ARHGEF12: variants seen among roughly 807,000 people sequenced by gnomAD.
The protein encoded by ARHGEF12 is KMT2A/ARHGEF12 fusion protein.
ARHGEF12 carries 66 observed loss-of-function variants against 211.2 expected under a neutral mutation model. That is an observed-to-expected ratio of 0.31 (90% CI 0.26 to 0.38). The LOEUF is 0.38. ARHGEF12 is among the 10% of genes least tolerant of loss of function. The probability of loss-of-function intolerance (pLI) is 1.00; values close to 1 mark genes in which losing one functional copy is unlikely to be tolerated. For synonymous variants in ARHGEF12, 592 were observed against 638.4 expected, an observed-to-expected ratio of 0.93 and a Z score of 1.09; for missense variants, 1,429 against 1,869.5, an observed-to-expected ratio of 0.76 and a Z score of 4.34.
In ARHGEF12 at chr11:120,442,100, A is replaced by C. The variant is rs779114803; in HGVS notation, c.1204-4A>C. On this transcript the variant is annotated splice_polypyrimidine_tract_variant and splice_region_variant and intron_variant, in intron 14 of 40. Coordinates refer to ENST00000397843, the MANE Select transcript of ARHGEF12 (RefSeq NM_015313.3). ...TGTCTTTTTCATTCCTTTCTCCACT[A>C]CAGCTCTGTTATCTCTATTCAGACC... 1 of 1,580,728 alleles carries C rather than the reference A, an allele frequency of 6.3e-7. No homozygotes were observed. Among genetic ancestry groups the C allele is most frequent in the Non-Finnish European group, 8.6e-7 (1 of 1,163,996 alleles).
chr11:120,421,867 ATTATAGAAT>A lies in ARHGEF12; in HGVS notation c.348+19_348+27del. 6.3e-7 allele frequency: 1 copy of A among 1,599,168 alleles called. No homozygotes were observed. Among genetic ancestry groups the A allele is most frequent in the Non-Finnish European group, 8.5e-7 (1 of 1,170,394 alleles). ...GAATCATCAAGGTAAGGAATAGGCT[ATTATAGAAT>A]TTACGGTAGGATTAAAAAACAACAT... On this transcript the variant is annotated intron_variant, in intron 6 of 40. Coordinates refer to ENST00000397843, the MANE Select transcript of ARHGEF12 (RefSeq NM_015313.3).
chr11:120,481,219 G>T, intron 38 of ARHGEF12, 41 bp from the exon 39 acceptor site: 1 of 1,564,704 alleles, frequency 6.4e-7, no homozygotes, highest in Non-Finnish European at 8.8e-7. Context: ...TTTTCTAATG[G>T]CAGCACTGGT....
chr11:120,367,792 G>A (rs913283164), intron 1 of ARHGEF12, among the ~76,000 whole-genome samples: 1 of 152,162 alleles, frequency 6.6e-6, no homozygotes, highest in African/African-American at 2.4e-5. Flanking sequence ...GCAACGTAGT[G>A]AGACCCTGTC....
chr11:120,446,059 G>A (rs1263727930), intron 16 of ARHGEF12, among the ~76,000 whole-genome samples: 5 of 151,336 alleles, frequency 3.3e-5, no homozygotes, highest in South Asian at 2.1e-4. Flanking sequence ...GTAGCTGGGC[G>A]TGGTGGCGGG....
intron 11 of ARHGEF12, among the ~76,000 whole-genome samples, chr11:120,434,303 A>C (rs1565478674): frequency 1.3e-5 from 2 of 152,200 alleles, no homozygotes; most frequent in Non-Finnish European, 2.9e-5. Flanking sequence ...CACTCATAAT[A>C]ATCTTAAAAA....
chr11:120,359,298 C>T (rs1467612430), intron 1 of ARHGEF12, among the ~76,000 whole-genome samples: 5 of 152,110 alleles, frequency 3.3e-5, no homozygotes, highest in African/African-American at 4.8e-5. Flanking sequence ...GATCATGGCT[C>T]ACTGCAGCCT....
At chr11:120,416,365 A>G (rs1004217303) in intron 4 of ARHGEF12, among the ~76,000 whole-genome samples, 1 of 152,220 alleles carries the variant, frequency 6.6e-6, no homozygotes, top group African/African-American at 2.4e-5. Flanking sequence ...ATAAAATCCA[A>G]TGAAAGAATA....
chr11:120,441,811 G>A lies in ARHGEF12; in HGVS notation c.1197G>A (p.Ala399=), dbSNP rs751135997. Residue 399 remains alanine (A), a synonymous_variant, in exon 14 of 41, where the codon GCG becomes GCA. Transcript: ENST00000397843. The stretch of plus-strand genomic sequence containing the variant: ...ATGTAGTTTCACAATTTGACCCTGC[G>A]ACTTTGGTAATATATTTTACAATCT... The part of the protein sequence containing the change: ...LHHVVSQFDP[A]TLLCYLYSDL... The A allele has an allele frequency of 2.1e-5, 34 of 1,612,974 alleles. No homozygotes were observed. The highest frequency in any genetic ancestry group is 6.7e-5 in the Admixed American group (4 of 59,974).
chr11:120,429,879 T>G (rs766835553), intron 10 of ARHGEF12, 48 bp downstream of exon 10: 4 of 1,573,464 alleles, frequency 2.5e-6, no homozygotes, highest in Non-Finnish European at 3.4e-6. Flanking sequence ...AGGAGAATTT[T>G]CTTCTGGGAA....
chr11:120,342,018 G>A (rs1463392808), intron 1 of ARHGEF12, among the ~76,000 whole-genome samples: 2 of 152,066 alleles, frequency 1.3e-5, no homozygotes, highest in Non-Finnish European at 2.9e-5. Flanking sequence ...TACACTTTAA[G>A]CTAATTCATA....
chr11:120,442,063 G>C, intron 14 of ARHGEF12, 41 bp from the exon 15 acceptor site: 1 of 1,416,680 alleles, frequency 7.1e-7, no homozygotes, highest in South Asian at 1.2e-5. Flanking sequence ...CATTTTTCAT[G>C]GTTCCTCATT....
chr11:120,340,827 AG>A (rs1942512957), intron 1 of ARHGEF12, among the ~76,000 whole-genome samples: 1 of 152,232 alleles, frequency 6.6e-6, no homozygotes, highest in Non-Finnish European at 1.5e-5. Flanking sequence ...GGTATGCAAT[AG>A]TACATTCACT....
At chr11:120,355,862 T>G (rs897117339) in intron 1 of ARHGEF12, among the ~76,000 whole-genome samples, 1 of 152,234 alleles carries the variant, frequency 6.6e-6, no homozygotes, top group Non-Finnish European at 1.5e-5. Flanking sequence ...AATTTCTAAG[T>G]TGTGTTACAG....
chr11:120,404,234 A>G (rs1182899585), intron 1 of ARHGEF12, among the ~76,000 whole-genome samples: 1 of 152,052 alleles, frequency 6.6e-6, no homozygotes, highest in Admixed American at 6.5e-5. Context: ...CTGTCTCAAT[A>G]TTCAGCATGT....
chr11:120,433,319 A>G (rs1424342193), intron 11 of ARHGEF12, among the ~76,000 whole-genome samples: 1 of 152,226 alleles, frequency 6.6e-6, no homozygotes, highest in Non-Finnish European at 1.5e-5. Flanking sequence ...TATTAGGGTT[A>G]TAGATGGAAT....
chr11:120,466,588 A>G (rs530841872), intron 28 of ARHGEF12, among the ~76,000 whole-genome samples: 2 of 152,366 alleles, frequency 1.3e-5, no homozygotes, highest in Admixed American at 1.3e-4. Flanking sequence ...GATTACACAG[A>G]GTATTTACAC....
chr11:120,472,988 G>A, intron 30 of ARHGEF12, 62 bp from the exon 31 acceptor site: 1 of 1,498,052 alleles, frequency 6.7e-7, no homozygotes, highest in Non-Finnish European at 9.3e-7. Flanking sequence ...GTTTGATTCA[G>A]AAATAGAGAG....
chr11:120,338,072 C>T (rs1209749101), intron 1 of ARHGEF12, among the ~76,000 whole-genome samples: 1 of 152,168 alleles, frequency 6.6e-6, no homozygotes, highest in Non-Finnish European at 1.5e-5. Flanking sequence ...GGTTGAAGTG[C>T]AGTTTGCTTA....
Position 120,425,093 on chromosome 11 carries a change from C to T in ARHGEF12, c.406+678C>T, listed in dbSNP as rs891201047. 2.0e-5 allele frequency among the ~76,000 whole-genome samples: 3 copies of T among 152,080 alleles called. 1 individual carries two copies. The highest frequency in any genetic ancestry group is 4.1e-4 in the South Asian group (2 of 4,820). On this transcript the variant is annotated intron_variant, in intron 7 of 40. Transcript: ENST00000397843. ...ACTTGCAGGGTCAAAGGTGGATTCA[C>T]GAACCTCGAGCTGGCAGTGAGTTAT...
Sources: allele counts gnomAD v4.1 joint callset (sites outside exome capture counted in the v4.1 genomes callset), GRCh38; gene constraint gnomAD v4.1.1; transcripts MANE v1.5; gene names NCBI Gene and HGNC (gene_info 2026-07-23, HGNC 2026-07-21).